COL18A1: variants seen among roughly 807,000 people sequenced by gnomAD.
COL18A1 encodes collagen type XVIII alpha 1 chain.
COL18A1 carries 133 observed loss-of-function variants against 168.0 expected under a neutral mutation model. That is an observed-to-expected ratio of 0.79 (90% CI 0.69 to 0.91). The LOEUF (loss-of-function observed/expected upper bound fraction) is 0.91. Among genes scored for constraint, COL18A1 ranks in the 40% least tolerant of loss-of-function variants. The probability of loss-of-function intolerance (pLI) is 0.00; values close to 1 mark genes in which losing one functional copy is unlikely to be tolerated. For missense variants in COL18A1, 2,126 were observed against 1,925.4 expected (o/e 1.10, Z -1.95); for synonymous variants, 949 against 809.0 (o/e 1.17, Z -2.94).
chr21:45,503,807 AAAT>A (rs1474203141), intron 32 of COL18A1: 3 of 335,730 alleles, frequency 8.9e-6, no homozygotes, highest in African/African-American at 6.5e-5. Context: ...AAAAATTTAA[AAAT>A]AAAATAAAAA....
At chr21:45,492,088 G>A (rs1049013446) in intron 22 of COL18A1, among the ~76,000 whole-genome samples, 2 of 152,200 alleles carry the variant, frequency 1.3e-5, no homozygotes, top group Non-Finnish European at 2.9e-5. Context: ...TTGAGAGGAG[G>A]GGTGGAGTTG....
intron 2 of COL18A1, among the ~76,000 whole-genome samples, chr21:45,435,123 T>TG (rs1473113374): frequency 6.7e-6 from 1 of 148,528 alleles, no homozygotes; most frequent in Non-Finnish European, 1.5e-5. Flanking sequence ...GTGGGGATGG[T>TG]GGGGTGAACC....
intron 37 of COL18A1, 195 bp downstream of exon 37, chr21:45,506,161 G>C: frequency 1.3e-6 from 1 of 766,604 alleles, no homozygotes; most frequent in Non-Finnish European, 2.1e-6. Context: ...AGAAAAGTGA[G>C]CTCAAGCTTC....
In COL18A1 at chr21:45,488,419, G is replaced by A; in HGVS notation, c.1898G>A (p.Gly633Glu). ...STARSADGPQGPPGLPGLKGD... is the reference protein window; with the variant it reads ...STARSADGPQEPPGLPGLKGD... ...ACTGTGTCTCCTCTGCCCTGACAGG[G>A]ACCTCCCGGCCTGCCGGGACTTAAG... Residue 633 changes from glycine to glutamate, a missense_variant and splice_region_variant, in exon 18 of 42, where the codon GGA becomes GAA. Transcript: ENST00000651438. The A allele has an allele frequency of 2.5e-6, 4 of 1,613,854 alleles. No individual in the cohort carries two copies. The highest frequency in any genetic ancestry group is 3.4e-6 in the Non-Finnish European group (4 of 1,180,002).
chr21:45,452,786 G>A (rs1387114905), intron 2 of COL18A1, among the ~76,000 whole-genome samples: 1 of 149,650 alleles, frequency 6.7e-6, no homozygotes, highest in African/African-American at 2.5e-5. Flanking sequence ...TGACGTGTGA[G>A]CATGCATGTA....
rs1437988246 is a variant in COL18A1 at position 45,479,959 on chromosome 21, G to A, written c.1306G>A (p.Asp436Asn). The change falls in exon 10 of 42, where the codon GAC becomes AAC. Residue 436 changes from aspartate (D) to asparagine (N), a missense_variant. Asp to Asn is a conservative substitution (Grantham distance 23). Transcript: ENST00000651438. ...TCCAGGGGACGTAGGTCCCAAGGGC[G>A]ACAAGGTGAGTCTCCGTGGCTGGGT... is the stretch of plus-strand genomic sequence containing the variant. Reference protein sequence around the residue: ...GTPGDVGPKGDKGDPGVGERG... With the variant: ...GTPGDVGPKGNKGDPGVGERG... 22 of 1,613,796 alleles carry A rather than the reference G, an allele frequency of 1.4e-5. No homozygotes were observed. Among genetic ancestry groups the A allele is most frequent in the Admixed American group, 1.7e-5 (1 of 59,998 alleles).
intron 38 of COL18A1, 61 bp from the exon 39 acceptor site, chr21:45,509,295 G>T: frequency 6.5e-7 from 1 of 1,533,226 alleles, no homozygotes; most frequent in East Asian, 2.4e-5. Context: ...GGAGGACACA[G>T]ATGGAGGAGG....
intron 15 of COL18A1, 140 bp from the exon 16 acceptor site, chr21:45,486,721 C>A: frequency 1.2e-6 from 1 of 864,818 alleles, no homozygotes; most frequent in Non-Finnish European, 1.8e-6. Context: ...TGCTGTGGGG[C>A]CTGCGTTGCT....
chr21:45,470,882 C>T (rs1216149273), intron 3 of COL18A1, among the ~76,000 whole-genome samples: 1 of 151,786 alleles, frequency 6.6e-6, no homozygotes, highest in South Asian at 2.1e-4. Context: ...AGAGCTGGAA[C>T]AGGAGGGAGC....
At chr21:45,453,435 G>A (rs960766607) in intron 2 of COL18A1, among the ~76,000 whole-genome samples, 7 of 152,334 alleles carry the variant, frequency 4.6e-5, no homozygotes, top group South Asian at 2.1e-4. Flanking sequence ...GTACACATGC[G>A]TGCGTTTGAG....
intron 2 of COL18A1, among the ~76,000 whole-genome samples, chr21:45,452,669 T>C (rs1044710544): frequency 6.6e-6 from 1 of 150,444 alleles, no homozygotes; most frequent in Middle Eastern, 3.4e-3. Flanking sequence ...CATGTATTCA[T>C]GTGTGACATG....
rs574679654 is a variant in COL18A1, at chr21:45,451,085, G to T, written c.107-17157G>T. Among the ~76,000 whole-genome samples, 7 of 152,336 alleles carry T rather than the reference G, an allele frequency of 4.6e-5. No homozygotes were observed. The East Asian group carries it at 5.8e-4, about 13-fold the overall frequency. ...CAGCAGGTCCTCTGGGGGGTGTGAG[G>T]TTCTGAGCTGTTAGCCTCAGGCTCC... On this transcript the variant is annotated intron_variant, in intron 2 of 41. Coordinates refer to ENST00000651438, the MANE Select transcript of COL18A1 (RefSeq NM_001379500.1).
At position 45,480,730 on chromosome 21, in the gene COL18A1, C is replaced by T. The variant is rs375739796; in HGVS notation, c.1483C>T (p.Pro495Ser). ...GPRGFPGPPG[P>S]PGVPGLPGEP... is the part of the protein sequence containing the mutation. ...TCGAGGCTTCCCTGGACCTCCCGGA[C>T]CCCCCGGTGTCCCAGGCCTGCCCGG... is the stretch of plus-strand genomic sequence containing the variant. Residue 495 changes from proline to serine, a missense_variant, in exon 13 of 42, where the codon CCC becomes TCC. Coordinates refer to ENST00000651438, the MANE Select transcript of COL18A1 (RefSeq NM_001379500.1). 4.4e-5 allele frequency: 71 copies of T among 1,610,136 alleles called. No individual in the cohort carries two copies. The highest frequency in any genetic ancestry group is 5.3e-5 in the African/African-American group (4 of 74,902).
intron 2 of COL18A1, among the ~76,000 whole-genome samples, chr21:45,436,239 G>A (rs2034091663): frequency 6.6e-6 from 1 of 152,144 alleles, no homozygotes; most frequent in Admixed American, 6.5e-5. Flanking sequence ...GTGGGCCCCT[G>A]GGCTGAGGAG....
chr21:45,478,192 G>T, intron 8 of COL18A1, 135 bp from the exon 9 acceptor site: 3 of 1,159,148 alleles, frequency 2.6e-6, no homozygotes, highest in South Asian at 2.5e-5. Context: ...CTCCTGGCGC[G>T]GGTGCGAGGA....
chr21:45,493,931 T>C (rs2036445607), intron 26 of COL18A1: 1 of 324,754 alleles, frequency 3.1e-6, no homozygotes, highest in Non-Finnish European at 5.8e-6. Context: ...TGGCTGCCCC[T>C]CCAGCCTCTT....
chr21:45,440,559 C>CG (rs2034341752), intron 2 of COL18A1, among the ~76,000 whole-genome samples: 1 of 141,610 alleles, frequency 7.1e-6, no homozygotes, highest in Non-Finnish European at 1.6e-5. Context: ...CGGAAGCAGT[C>CG]GGGGCCTGCT....
chr21:45,459,331 TC>T (rs113268016), intron 2 of COL18A1, among the ~76,000 whole-genome samples: 4,277 of 152,230 alleles, frequency 0.028, 211 homozygotes, highest in African/African-American at 0.097. Flanking sequence ...CGGGCAGACT[TC>T]GAGGCCCCGA....
intron 2 of COL18A1, among the ~76,000 whole-genome samples, chr21:45,453,130 G>A (rs112017568): frequency 2.8e-4 from 42 of 151,968 alleles, no homozygotes; most frequent in African/African-American, 1.0e-3. Flanking sequence ...GTGGGCTTGT[G>A]TATGCGAGTA....
Sources: gnomAD v4.1 joint callset for allele counts (sites outside exome capture counted in the v4.1 genomes callset) on GRCh38, gnomAD v4.1.1 for gene constraint, MANE v1.5 for transcripts, NCBI Gene and HGNC (gene_info 2026-07-23, HGNC 2026-07-21) for gene names.